Variants in SSBP3 observed in about 807,000 individuals in gnomAD.
SSBP3 encodes the protein single-stranded DNA-binding protein 3.
Under a neutral mutation model 69.6 loss-of-function variants are expected in SSBP3, and 5 were observed. The ratio of observed to expected loss-of-function variants is 0.07; its 90% CI spans 0.04 to 0.15. The LOEUF (loss-of-function observed/expected upper bound fraction) is 0.15. Ranked by LOEUF, SSBP3 falls within the 10% of genes least tolerant of loss-of-function variation. The probability of loss-of-function intolerance (pLI) is 1.00; values close to 1 mark genes in which losing one functional copy is unlikely to be tolerated. For synonymous variants in SSBP3, 196 were observed against 193.4 expected (o/e 1.01, Z -0.11); for missense variants, 312 against 534.0 (o/e 0.58, Z 4.10).
chr1:54,309,068 A>C (rs533824198), intron 4 of SSBP3, among the ~76,000 whole-genome samples: 1 of 152,308 alleles, frequency 6.6e-6, no homozygotes, highest in African/African-American at 2.4e-5. Context: ...AGCTTTAGAG[A>C]CTCAATGGGG....
intron 4 of SSBP3, among the ~76,000 whole-genome samples, chr1:54,393,522 G>A (rs560572786): frequency 6.6e-6 from 1 of 152,244 alleles, no homozygotes; most frequent in African/African-American, 2.4e-5. Context: ...GGGTGTAGTG[G>A]CTCACACCTA....
chr1:54,263,369 G>A (rs1298978646), intron 5 of SSBP3, among the ~76,000 whole-genome samples: 4 of 152,182 alleles, frequency 2.6e-5, no homozygotes, highest in East Asian at 1.9e-4. Context: ...CACATTATGC[G>A]GGCCTGGGAT....
upstream of SSBP3, among the ~76,000 whole-genome samples, chr1:54,407,111 T>C (rs973253327): frequency 6.6e-6 from 1 of 151,458 alleles, no homozygotes; most frequent in Admixed American, 6.6e-5. Flanking sequence ...AACCCCAAAG[T>C]GGAGCCGCGC....
chr1:54,362,829 CTGT>C lies in SSBP3; in HGVS notation c.276+39029_276+39031del, dbSNP rs199779443. Reference sequence around the variant, plus strand: ...GATTAGTCCTGCTTTCAGTGGTGGGCTGTTGTTGTTGTTTTACCCCTCGTTTTC... The same window carrying C: ...GATTAGTCCTGCTTTCAGTGGTGGGCTGTTGTTGTTTTACCCCTCGTTTTC... On this transcript the variant is annotated intron_variant, in intron 4 of 17. Coordinates refer to ENST00000610401, the Ensembl canonical transcript of SSBP3. Among the ~76,000 whole-genome samples, 79 of 152,284 alleles carry C rather than the reference CTGT, an allele frequency of 5.2e-4. No homozygotes were observed. The East Asian group carries it at 0.012, about 23-fold the overall frequency.
At chr1:54,305,234 T>TC (rs1645877663) in intron 4 of SSBP3, among the ~76,000 whole-genome samples, 1 of 152,120 alleles carries the variant, frequency 6.6e-6, no homozygotes, top group East Asian at 1.9e-4. Flanking sequence ...ATAAAGACAT[T>TC]CAGTAGCTGT....
intron 4 of SSBP3, among the ~76,000 whole-genome samples, chr1:54,309,214 T>TAAG (rs1425992403): frequency 6.6e-6 from 1 of 152,196 alleles, no homozygotes; most frequent in Non-Finnish European, 1.5e-5. Flanking sequence ...AAACCTGCCC[T>TAAG]CTGGTCTTGG....
chr1:54,379,397 C>G (rs549945400), intron 4 of SSBP3, among the ~76,000 whole-genome samples: 30 of 152,278 alleles, frequency 2.0e-4, no homozygotes, highest in Admixed American at 1.6e-3. Flanking sequence ...AGGACGGGGA[C>G]GTCTGCAATA....
chr1:54,236,773 A>G (rs987607223), intron 14 of SSBP3: 1 of 152,188 alleles, frequency 6.6e-6, no homozygotes, highest in Admixed American at 6.5e-5. Flanking sequence ...AAAGTCAAAG[A>G]TCTCATTAAG....
At chr1:54,336,955 G>GA (rs1646518021) in intron 4 of SSBP3, among the ~76,000 whole-genome samples, 1 of 152,208 alleles carries the variant, frequency 6.6e-6, no homozygotes, top group Admixed American at 6.5e-5. Flanking sequence ...GTCCCGCGCA[G>GA]AATCTACTCT....
At chr1:54,232,235 G>A (rs1251403948) in intron 14 of SSBP3, among the ~76,000 whole-genome samples, 1 of 152,238 alleles carries the variant, frequency 6.6e-6, no homozygotes, top group East Asian at 1.9e-4. Flanking sequence ...TTTTTATAAC[G>A]TTTCTGTCCT....
intron 4 of SSBP3, among the ~76,000 whole-genome samples, chr1:54,316,690 AAATAAAT>A (rs1261894687): frequency 1.1e-4 from 15 of 130,648 alleles, no homozygotes; most frequent in Middle Eastern, 3.7e-3. Context: ...ATAAATAAAT[AAATAAAT>A]AAATAAATAA....
intron 10 of SSBP3, chr1:54,243,022 G>A (rs557650547): frequency 1.2e-4 from 69 of 558,928 alleles, no homozygotes; most frequent in South Asian, 1.1e-3. Context: ...GCTGATGCAC[G>A]CAGCATGCCT....
chr1:54,309,686 G>A (rs1261721030), intron 4 of SSBP3, among the ~76,000 whole-genome samples: 1 of 152,152 alleles, frequency 6.6e-6, no homozygotes, highest in African/African-American at 2.4e-5. Flanking sequence ...CTCCCCGGTT[G>A]CCCTGTACTC....
At chr1:54,405,573 G>T (rs753066655) in intron 1 of SSBP3, 55 of 153,076 alleles carry the variant, frequency 3.6e-4, no homozygotes, top group Non-Finnish European at 6.1e-4. Flanking sequence ...CGCGCCCCCT[G>T]CCCGCACCCG....
intron 5 of SSBP3, among the ~76,000 whole-genome samples, chr1:54,262,569 A>C (rs941043140): frequency 6.6e-6 from 1 of 152,176 alleles, no homozygotes; most frequent in Admixed American, 6.5e-5. Flanking sequence ...CTGCCAGGCT[A>C]AGGACAAAAA....
chr1:54,389,205 T>C (rs1170415435), intron 4 of SSBP3, among the ~76,000 whole-genome samples: 1 of 152,192 alleles, frequency 6.6e-6, no homozygotes, highest in Admixed American at 6.5e-5. Flanking sequence ...CATTTCTTCA[T>C]TAAAATTAAT....
intron 9 of SSBP3, 103 bp downstream of exon 9, chr1:54,251,513 G>A (rs1644828174): frequency 1.6e-6 from 2 of 1,267,640 alleles, no homozygotes; most frequent in East Asian, 2.5e-5. Context: ...TCTCACCCCT[G>A]CGAACTGAGA....
At chr1:54,296,631 T>C (rs1432685281) in intron 4 of SSBP3, among the ~76,000 whole-genome samples, 2 of 152,312 alleles carry the variant, frequency 1.3e-5, no homozygotes, top group African/African-American at 4.8e-5. Flanking sequence ...CTGTGTCATC[T>C]AGAAAACGAG....
chr1:54,357,869 C>T (rs1462243503), intron 4 of SSBP3, among the ~76,000 whole-genome samples: 1 of 152,240 alleles, frequency 6.6e-6, no homozygotes, highest in African/African-American at 2.4e-5. Context: ...ACATGCACAG[C>T]AGTCATCAGG....
Sources: allele counts gnomAD v4.1 joint callset (sites outside exome capture counted in the v4.1 genomes callset), GRCh38; gene constraint gnomAD v4.1.1; transcripts MANE v1.5; gene names NCBI Gene and HGNC (gene_info 2026-07-23, HGNC 2026-07-21).